ENTREP2: variants seen among roughly 807,000 people sequenced by gnomAD.
ENTREP2 encodes the protein endosomal transmembrane epsin interactor 2.
the ENTREP2 span, among the ~76,000 whole-genome samples, chr15:29,255,119 T>C: frequency 1.3e-5 from 2 of 152,202 alleles, no homozygotes; most frequent in African/African-American, 4.8e-5. Context: ...AGGATCATCT[T>C]ACAGTTTTCT....
chr15:29,614,836 T>A, the ENTREP2 span, among the ~76,000 whole-genome samples: 1 of 152,060 alleles, frequency 6.6e-6, no homozygotes, highest in Non-Finnish European at 1.5e-5. Flanking sequence ...GCTGGAAGAT[T>A]GCTTGAGCTT....
chr15:29,582,999 A>G, the ENTREP2 span, among the ~76,000 whole-genome samples: 1 of 152,168 alleles, frequency 6.6e-6, no homozygotes, highest in Admixed American at 6.6e-5. Context: ...GATACTCTGT[A>G]CCAGACAATA....
chr15:29,661,112 G>A, the ENTREP2 span, among the ~76,000 whole-genome samples: 13,205 of 152,190 alleles, frequency 0.087, 886 homozygotes, highest in African/African-American at 0.19. Context: ...TAGTAAACAA[G>A]GCCAAAGATG....
the ENTREP2 span, among the ~76,000 whole-genome samples, chr15:29,477,001 A>G: frequency 6.6e-6 from 1 of 152,122 alleles, no homozygotes; most frequent in Middle Eastern, 3.2e-3. Flanking sequence ...TAAGACCCGA[A>G]ACTGGAAACT....
chr15:29,225,486 G>C, the ENTREP2 span, among the ~76,000 whole-genome samples: 1 of 152,134 alleles, frequency 6.6e-6, no homozygotes, highest in Non-Finnish European at 1.5e-5. Flanking sequence ...AATCGGGCAG[G>C]GAATCACTTT....
the ENTREP2 span, among the ~76,000 whole-genome samples, chr15:29,624,071 G>A: frequency 2.6e-5 from 4 of 152,158 alleles, no homozygotes; most frequent in Non-Finnish European, 2.9e-5. Context: ...AGTTATAAAG[G>A]TAATTGTAAC....
At chr15:29,513,013 A>G in the ENTREP2 span, among the ~76,000 whole-genome samples, 6 of 152,174 alleles carry the variant, frequency 3.9e-5, no homozygotes, top group Non-Finnish European at 8.8e-5. Context: ...GAAATCTCTC[A>G]TATTCTTTAA....
the ENTREP2 span, among the ~76,000 whole-genome samples, chr15:29,281,763 C>T: frequency 6.6e-6 from 1 of 152,220 alleles, no homozygotes; most frequent in East Asian, 1.9e-4. Context: ...CCCAAAGCTT[C>T]CCAGCTGACA....
the ENTREP2 span, among the ~76,000 whole-genome samples, chr15:29,299,985 CTAGG>C: frequency 8.0e-6 from 1 of 125,256 alleles, no homozygotes; most frequent in African/African-American, 3.3e-5. Flanking sequence ...GGATGGATGG[CTAGG>C]TGGGTGGGTG....
chr15:29,311,290 C>G, the ENTREP2 span, among the ~76,000 whole-genome samples: 259 of 152,214 alleles, frequency 1.7e-3, no homozygotes, highest in African/African-American at 5.8e-3. Context: ...ACAGTCTGAT[C>G]GTTTCTGGAT....
chr15:29,289,819 C>T, the ENTREP2 span, among the ~76,000 whole-genome samples: 1 of 152,052 alleles, frequency 6.6e-6, no homozygotes, highest in African/African-American at 2.4e-5. Context: ...GCACTCCAGC[C>T]TGGGTGACAG....
the ENTREP2 span, among the ~76,000 whole-genome samples, chr15:29,263,978 T>C: frequency 1.3e-5 from 2 of 151,318 alleles, no homozygotes; most frequent in Non-Finnish European, 2.9e-5. Flanking sequence ...CACGGTGAAA[T>C]CCCCGTCTCT....
At chr15:29,580,274 A>G in the ENTREP2 span, among the ~76,000 whole-genome samples, 13 of 152,288 alleles carry the variant, frequency 8.5e-5, no homozygotes, top group Non-Finnish European at 8.8e-5. Context: ...AGGGCAGCAG[A>G]ATGGTTAGGG....
the ENTREP2 span, among the ~76,000 whole-genome samples, chr15:29,402,251 A>AATATATATATATATATATATATAT: frequency 7.2e-4 from 81 of 111,872 alleles, no homozygotes; most frequent in East Asian, 1.9e-3. Context: ...ATTATAGAAG[A>AATATATATATATATATATATATAT]ATATATATAT....
At chr15:29,306,303 A>G in the ENTREP2 span, among the ~76,000 whole-genome samples, 2 of 152,184 alleles carry the variant, frequency 1.3e-5, no homozygotes, top group Non-Finnish European at 2.9e-5. Context: ...GGGGGGGATG[A>G]GGAAGAGGAA....
the ENTREP2 span, among the ~76,000 whole-genome samples, chr15:29,340,951 C>T: frequency 6.6e-6 from 1 of 152,184 alleles, no homozygotes; most frequent in Admixed American, 6.5e-5. Flanking sequence ...TACTATTTCA[C>T]TTATTTATGA....
the ENTREP2 span, among the ~76,000 whole-genome samples, chr15:29,283,383 C>G: frequency 6.6e-6 from 1 of 152,292 alleles, no homozygotes; most frequent in Non-Finnish European, 1.5e-5. Context: ...GAGTCTTGCT[C>G]TGTCACCCAG....
chr15:29,601,190 C>T, the ENTREP2 span, among the ~76,000 whole-genome samples: 2 of 148,898 alleles, frequency 1.3e-5, no homozygotes, highest in East Asian at 3.9e-4. Context: ...AGCCACCGCG[C>T]CCGGCCTGAT....
chr15:29,119,722 C>T, the ENTREP2 span, among the ~76,000 whole-genome samples: 1 of 148,114 alleles, frequency 6.8e-6, no homozygotes, highest in Non-Finnish European at 1.5e-5. Context: ...CAATTCTCGA[C>T]GTGGCCAACA....
Sources: allele counts gnomAD v4.1 joint callset (sites outside exome capture counted in the v4.1 genomes callset), GRCh38; gene constraint gnomAD v4.1.1; transcripts MANE v1.5; gene names NCBI Gene and HGNC (gene_info 2026-07-23, HGNC 2026-07-21).